The following PTPRK variants were observed in gnomAD, a reference collection of about 807,000 sequenced individuals.
PTPRK encodes receptor-type tyrosine-protein phosphatase kappa.
In PTPRK, 75 loss-of-function variants were observed where a neutral mutation model predicts 178.0. That is an observed-to-expected ratio of 0.42 (90% confidence interval 0.35 to 0.51). The LOEUF is 0.51. Among genes scored for constraint, PTPRK ranks in the 20% least tolerant of loss-of-function variants. The pLI, the probability that PTPRK is intolerant of heterozygous loss-of-function variation, is 0.02. For synonymous variants in PTPRK, 637 were observed against 620.6 expected, an observed-to-expected ratio of 1.03 and a Z score of -0.39; for missense variants, 1,441 against 1,797.8, an observed-to-expected ratio of 0.80 and a Z score of 3.59.
chr6:128,419,091 C>A (rs986795808), intron 1 of PTPRK, among the ~76,000 whole-genome samples: 2 of 152,174 alleles, frequency 1.3e-5, no homozygotes, highest in Non-Finnish European at 2.9e-5. Flanking sequence ...TAAATGGTAA[C>A]ACCAAAGCTA....
At chr6:128,087,491 T>C (rs898096629) in intron 8 of PTPRK, among the ~76,000 whole-genome samples, 3 of 152,200 alleles carry the variant, frequency 2.0e-5, no homozygotes, top group Non-Finnish European at 4.4e-5. Context: ...TTCTCATTTT[T>C]ATTATGTGCC....
At chr6:128,011,800 AT>A (rs1021194355) in intron 13 of PTPRK, among the ~76,000 whole-genome samples, 1 of 151,066 alleles carries the variant, frequency 6.6e-6, no homozygotes, top group South Asian at 2.1e-4. Context: ...TCTGAAAGTA[AT>A]TTTTTTAACA....
At position 127,976,912 on chromosome 6, in the gene PTPRK, T is replaced by C. The variant is rs1774672667; in HGVS notation, c.3843+11A>G. The C allele has an allele frequency of 6.2e-7, 1 of 1,613,870 alleles. No homozygotes were observed. Among genetic ancestry groups the C allele is most frequent in the Non-Finnish European group, 8.5e-7 (1 of 1,179,984 alleles). On this transcript the variant is annotated intron_variant, in intron 26 of 29. Coordinates refer to ENST00000368226, the MANE Select transcript of PTPRK (RefSeq NM_002844.4). ...TATATAAGTACATAAAAGCAATCCA[T>C]AGCCATTAACCTGGGACAAGTCGAC...
intron 2 of PTPRK, among the ~76,000 whole-genome samples, chr6:128,391,146 T>TA (rs1169081751): frequency 1.1e-4 from 16 of 151,692 alleles, no homozygotes; most frequent in African/African-American, 2.7e-4. Flanking sequence ...TTCTATTACT[T>TA]AAAAAAAAAT....
At chr6:128,491,645 G>C (rs1033835309) in intron 1 of PTPRK, 1 of 428,422 alleles carries the variant, frequency 2.3e-6, no homozygotes. Flanking sequence ...AATTTAGACA[G>C]GCTCAGGCAC....
rs768885513 is a variant in PTPRK at position 127,991,320 on chromosome 6, CCAT to C, written c.2950_2952del (p.Met984del). On this transcript the variant is annotated inframe_deletion, in exon 20 of 30. Coordinates refer to ENST00000368226, the MANE Select transcript of PTPRK (RefSeq NM_002844.4). ...CGGCCAACCTCAACTAAATTTGTAA[CCAT>C]CACAATGCAAGCAGATTGTTCTTGC... The C allele has an allele frequency of 6.3e-7, 1 of 1,596,462 alleles. No individual in the cohort carries two copies.
intron 3 of PTPRK, among the ~76,000 whole-genome samples, chr6:128,298,691 A>C (rs1824957166): frequency 6.6e-6 from 1 of 152,184 alleles, no homozygotes; most frequent in South Asian, 2.1e-4. Context: ...AAAAACTCTC[A>C]ATAAATTAGG....
intron 13 of PTPRK, among the ~76,000 whole-genome samples, chr6:128,013,117 A>G (rs1226710579): frequency 6.6e-6 from 1 of 151,370 alleles, no homozygotes; most frequent in East Asian, 1.9e-4. Flanking sequence ...AGCATGTGAC[A>G]TTCCTGTCTA....
rs1287627684 is a variant in PTPRK at position 128,440,590 on chromosome 6, T to C, written c.101-42902A>G. 2.6e-5 allele frequency among the ~76,000 whole-genome samples: 4 copies of C among 152,208 alleles called. No individual in the cohort carries two copies. The East Asian group carries it at 7.7e-4, about 29-fold the overall frequency. ...CTTGTGAATCCATCCTTAATTTCTA[T>C]GTATATCTGTATGCGTGTGTGTATA... On this transcript the variant is annotated intron_variant, in intron 1 of 29. Transcript: ENST00000368226.
intron 1 of PTPRK, among the ~76,000 whole-genome samples, chr6:128,503,183 G>T (rs935850264): frequency 2.6e-5 from 4 of 152,176 alleles, no homozygotes; most frequent in African/African-American, 9.7e-5. Context: ...CCGAGATCGC[G>T]CCACTGCACT....
intron 6 of PTPRK, 151 bp downstream of exon 6, chr6:128,218,771 C>T (rs1224100194): frequency 1.9e-5 from 14 of 756,240 alleles, no homozygotes; most frequent in Non-Finnish European, 2.9e-5. Flanking sequence ...TTCACCTTCA[C>T]ACATTCTGAG....
intron 3 of PTPRK, among the ~76,000 whole-genome samples, chr6:128,285,318 C>T (rs1294595279): frequency 6.6e-6 from 1 of 150,964 alleles, no homozygotes; most frequent in Non-Finnish European, 1.5e-5. Flanking sequence ...AGTTTGAGAC[C>T]AGCCTGGCCA....
rs145589591 is a variant in PTPRK, at chr6:128,168,381, G to C, written c.1162+16051C>G. On this transcript the variant is annotated intron_variant, in intron 7 of 29. Transcript: ENST00000368226. ...ATTGAGGTGCTACAAAAAATGAAAA[G>C]GATAACTATCATATGACTCAGCAAT... Among the ~76,000 whole-genome samples, 504 of 152,132 alleles carry C rather than the reference G, an allele frequency of 3.3e-3. 5 individuals are homozygous for C. The highest frequency in any genetic ancestry group is 0.011 in the African/African-American group (463 of 41,538).
At chr6:128,504,298 C>G (rs1406480532) in intron 1 of PTPRK, among the ~76,000 whole-genome samples, 3 of 152,148 alleles carry the variant, frequency 2.0e-5, no homozygotes, top group Non-Finnish European at 4.4e-5. Context: ...ACAGGAAAAA[C>G]TCTTAATAAA....
At chr6:128,099,689 GTGTC>G (rs1788473108) in intron 7 of PTPRK, among the ~76,000 whole-genome samples, 1 of 152,054 alleles carries the variant, frequency 6.6e-6, no homozygotes, top group African/African-American at 2.4e-5. Context: ...TAAAATGTAA[GTGTC>G]TGGTAACATG....
chr6:128,329,084 G>A (rs1471705809), intron 2 of PTPRK, among the ~76,000 whole-genome samples: 1 of 152,094 alleles, frequency 6.6e-6, no homozygotes, highest in East Asian at 1.9e-4. Flanking sequence ...AAGAGTATGA[G>A]GGTCTACAGA....
At chr6:128,252,376 G>T (rs1000800680) in intron 3 of PTPRK, among the ~76,000 whole-genome samples, 2 of 152,150 alleles carry the variant, frequency 1.3e-5, no homozygotes, top group Non-Finnish European at 2.9e-5. Context: ...CTGAAATCTT[G>T]CACTTGTAAA....
intron 1 of PTPRK, among the ~76,000 whole-genome samples, chr6:128,414,253 T>A (rs1842604379): frequency 6.6e-6 from 1 of 152,196 alleles, no homozygotes; most frequent in Non-Finnish European, 1.5e-5. Context: ...TATCTCCAGG[T>A]AGGAAAGGTA....
intron 7 of PTPRK, among the ~76,000 whole-genome samples, chr6:128,112,735 A>G (rs529728319): frequency 6.6e-6 from 1 of 152,166 alleles, no homozygotes; most frequent in African/African-American, 2.4e-5. Context: ...CCCCTTAATA[A>G]TTCACTAAGC....
Sources: gnomAD v4.1 joint callset for allele counts (sites outside exome capture counted in the v4.1 genomes callset) on GRCh38, gnomAD v4.1.1 for gene constraint, MANE v1.5 for transcripts, NCBI Gene and HGNC (gene_info 2026-07-23, HGNC 2026-07-21) for gene names.